Variants in SPIN2A observed in about 807,000 individuals in gnomAD.
SPIN2A encodes spindlin family member 2A.
In SPIN2A, 4 loss-of-function variants were observed where a neutral mutation model predicts 9.2. That is an observed-to-expected ratio of 0.44 (90% CI 0.21 to 1.00). The LOEUF is 1.00. Among genes scored for constraint, SPIN2A ranks in the 50% least tolerant of loss-of-function variants. The probability of loss-of-function intolerance (pLI) is 0.26; values close to 1 mark genes in which losing one functional copy is unlikely to be tolerated. For missense variants in SPIN2A, 77 were observed against 172.8 expected (o/e 0.45, Z 3.11); for synonymous variants, 25 against 61.2 (o/e 0.41, Z 2.76).
chrX:57,137,812 G>C (rs182500328), upstream of SPIN2A, among the ~76,000 whole-genome samples: 17 of 111,558 alleles, frequency 1.5e-4, no homozygotes, highest in East Asian at 4.8e-3. Context: ...GAAATACCAT[G>C]TGTATACATT....
At position 57,137,370 on chromosome X, in the gene SPIN2A, G is replaced by C. The variant is rs1378163760; in HGVS notation, c.-116C>G. 19 of 753,901 alleles carry C rather than the reference G, an allele frequency of 2.5e-5. No individual in the cohort carries two copies. The highest frequency in any genetic ancestry group is 4.6e-5 in the African/African-American group (2 of 43,479). 62.1% of individuals were successfully genotyped at this position (753,901 alleles called of 1,213,427 possible). A position where few individuals can be genotyped will look rare whatever the true frequency, so the allele number is the denominator to read the frequency against. On this transcript the variant is annotated 5_prime_UTR_variant, in exon 1 of 2. Transcript: ENST00000374906. ...TAGGATCCATAGATGAGGAGCGTGT[G>C]TAGGAGCGCGGCGAGACAGGCAAAG...
downstream of SPIN2A, among the ~76,000 whole-genome samples, chrX:57,134,325 T>C (rs1227834613): frequency 8.9e-6 from 1 of 111,773 alleles, no homozygotes; most frequent in Non-Finnish European, 1.9e-5. Flanking sequence ...CAGAATTCCA[T>C]CACAGGTCTC....
rs1185363067 is a variant in SPIN2A at position 57,137,323 on chromosome X, C to A, written c.-69G>T. On this transcript the variant is annotated 5_prime_UTR_variant, in exon 1 of 2. Coordinates refer to ENST00000374906, the MANE Select transcript of SPIN2A (RefSeq NM_019003.5). ...GGTCAACAGGCGACTCGCTGAGTGACTGCTTGCAAGAGCGGGGAGGGTAGG... is the reference window on the plus strand; with the variant it reads ...GGTCAACAGGCGACTCGCTGAGTGAATGCTTGCAAGAGCGGGGAGGGTAGG... The A allele has an allele frequency of 9.1e-5, 69 of 757,705 alleles. No individual in the cohort carries two copies. The highest frequency in any genetic ancestry group is 1.5e-4 in the East Asian group (1 of 6,599). The allele number at this position is 757,705 out of a possible 1,213,427, so 62.4% of individuals were successfully genotyped here.
chrX:57,138,123 C>T (rs1039226189), upstream of SPIN2A, among the ~76,000 whole-genome samples: 7 of 112,088 alleles, frequency 6.2e-5, no homozygotes, highest in Non-Finnish European at 1.1e-4. Context: ...TTATTTTAAG[C>T]TTAAAGAGTT....
upstream of SPIN2A, among the ~76,000 whole-genome samples, chrX:57,139,241 G>A (rs193246590): frequency 8.9e-6 from 1 of 112,304 alleles, no homozygotes; most frequent in Admixed American, 9.4e-5. Flanking sequence ...TATGGTGAGA[G>A]ATAGATATGT....
chrX:57,140,245 A>AT (rs1256852511), upstream of SPIN2A, among the ~76,000 whole-genome samples: 8 of 109,617 alleles, frequency 7.3e-5, no homozygotes, highest in Admixed American at 2.0e-4. Flanking sequence ...GGATCTTTAG[A>AT]TTTTTTCTAA....
the SPIN2A span, among the ~76,000 whole-genome samples, chrX:57,144,406 C>T: frequency 1.1e-4 from 12 of 107,477 alleles, no homozygotes; most frequent in Non-Finnish European, 1.9e-4. Flanking sequence ...AACATTCTAC[C>T]CTGATCTCTC....
upstream of SPIN2A, among the ~76,000 whole-genome samples, chrX:57,138,547 T>A (rs938754166): frequency 1.8e-5 from 2 of 111,370 alleles, no homozygotes; most frequent in African/African-American, 6.5e-5. Context: ...CTCGTTGATA[T>A]GCTGATTTCC....
At chrX:57,143,896 G>A in the SPIN2A span, among the ~76,000 whole-genome samples, 1 of 111,965 alleles carries the variant, frequency 8.9e-6, no homozygotes, top group South Asian at 3.7e-4. Flanking sequence ...TTATCAGTGA[G>A]TTTTAGATCT....
the SPIN2A span, among the ~76,000 whole-genome samples, chrX:57,143,667 G>A: frequency 9.1e-6 from 1 of 110,404 alleles, no homozygotes; most frequent in Non-Finnish European, 1.9e-5. Flanking sequence ...TGGTAGACAG[G>A]GGGTTTCTCC....
rs1426302140 is a variant in SPIN2A at position 57,135,653 on chromosome X, T to C, written c.*168A>G. 5.8e-6 allele frequency: 6 copies of C among 1,042,094 alleles called. No homozygotes were observed. Among genetic ancestry groups the C allele is most frequent in the East Asian group, 3.3e-5 (1 of 30,025 alleles). The allele number at this position is 1,042,094 out of a possible 1,213,427, so 85.9% of individuals were successfully genotyped here. A position where few individuals can be genotyped will look rare whatever the true frequency, so the allele number is the denominator to read the frequency against. On this transcript the variant is annotated 3_prime_UTR_variant, in exon 2 of 2. Transcript: ENST00000374906. ...CAAAGGGCTTACAGACAGCATGTCA[T>C]GTATTCACAAATTTGTATTTTTTAG...
chrX:57,147,026 C>T, the SPIN2A span, among the ~76,000 whole-genome samples: 2 of 110,863 alleles, frequency 1.8e-5, no homozygotes, highest in Admixed American at 9.6e-5. Flanking sequence ...CTGTAGTTTC[C>T]TTTCTTGGTT....
At chrX:57,140,417 CAAAAAAAAAAA>C (rs60570721), upstream of SPIN2A, among the ~76,000 whole-genome samples, 1 of 64,830 alleles carries the variant, frequency 1.5e-5, no homozygotes, top group Non-Finnish European at 2.8e-5. Context: ...CCATCTCTAC[CAAAAAAAAAAA>C]AAAAAAAAAT....
At chrX:57,144,528 A>C in the SPIN2A span, among the ~76,000 whole-genome samples, 1 of 108,652 alleles carries the variant, frequency 9.2e-6, no homozygotes, top group Non-Finnish European at 1.9e-5. Context: ...ATAATTTTTA[A>C]AATTTCCATT....
chrX:57,140,685 C>T (rs186024955), upstream of SPIN2A, among the ~76,000 whole-genome samples: 345 of 110,348 alleles, frequency 3.1e-3, 3 homozygotes, highest in Non-Finnish European at 5.9e-3. Context: ...TCAGCATCAG[C>T]GATGCAGCTG....
chrX:57,135,373 A>T (rs750765384), downstream of SPIN2A: 5 of 157,607 alleles, frequency 3.2e-5, no homozygotes, highest in East Asian at 7.1e-4. Context: ...CTCATAGGTC[A>T]TCCCCTCCCC....
chrX:57,140,598 CAAAA>C (rs56693403), upstream of SPIN2A, among the ~76,000 whole-genome samples: 400 of 58,827 alleles, frequency 6.8e-3, 6 homozygotes, highest in African/African-American at 0.018. Context: ...GACCCCGTCT[CAAAA>C]AAAAAAAAAA....
In SPIN2A at chrX:57,136,948, C is replaced by A. The variant is rs1439823483; in HGVS notation, c.-6+312G>T. On this transcript the variant is annotated intron_variant, in intron 1 of 1. Transcript: ENST00000374906. ...GCAAAGCGGCCTTGACCAGCACCCA[C>A]TACCCTCCTGCCCTGAGTGCCTCTG... is the stretch of plus-strand genomic sequence containing the variant. 1.4e-5 allele frequency: 12 copies of A among 864,982 alleles called. 1 individual carries two copies. Among genetic ancestry groups the A allele is most frequent in the Non-Finnish European group, 3.0e-6 (2 of 663,725 alleles). The allele number at this position is 864,982 out of a possible 1,213,427, so 71.3% of individuals were successfully genotyped here.
At chrX:57,144,656 T>G in the SPIN2A span, among the ~76,000 whole-genome samples, 1 of 110,384 alleles carries the variant, frequency 9.1e-6, no homozygotes. Flanking sequence ...TTTCAGTCGT[T>G]TATCCCTCAG....
Sources: gnomAD v4.1 joint callset for allele counts (sites outside exome capture counted in the v4.1 genomes callset) on GRCh38, gnomAD v4.1.1 for gene constraint, MANE v1.5 for transcripts, NCBI Gene and HGNC (gene_info 2026-07-23, HGNC 2026-07-21) for gene names.